The following MAST4 variants were observed in gnomAD, a reference collection of about 807,000 sequenced individuals.
MAST4 encodes microtubule associated serine/threonine kinase family member 4.
MAST4 carries 89 observed loss-of-function variants against 162.7 expected under a neutral mutation model. The ratio of observed to expected loss-of-function variants is 0.55; its 90% CI spans 0.46 to 0.65. The LOEUF (loss-of-function observed/expected upper bound fraction) is 0.65. Among genes scored for constraint, MAST4 ranks in the 30% least tolerant of loss-of-function variants. MAST4 has a pLI of 0.00. For missense variants in MAST4, 3,153 were observed against 3,374.0 expected (o/e 0.93, Z 1.62); for synonymous variants, 1,479 against 1,361.1 (o/e 1.09, Z -1.91).
intron 4 of MAST4, among the ~76,000 whole-genome samples, chr5:66,907,660 G>A (rs955217114): frequency 6.7e-6 from 1 of 148,850 alleles, no homozygotes; most frequent in South Asian, 2.2e-4. Flanking sequence ...GAAGACTTAG[G>A]TTCAGGCCTG....
intron 1 of MAST4, among the ~76,000 whole-genome samples, chr5:66,681,932 G>T (rs1748357122): frequency 1.3e-5 from 2 of 152,150 alleles, no homozygotes; most frequent in Admixed American, 1.3e-4. Context: ...TTGGGGGGTG[G>T]GTGACCATGC....
intron 16 of MAST4, among the ~76,000 whole-genome samples, chr5:67,132,711 C>A (rs1030647420): frequency 3.3e-5 from 5 of 151,918 alleles, no homozygotes; most frequent in Admixed American, 6.6e-5. Context: ...ATTTGAGAAG[C>A]CTCTAAAAGC....
intron 1 of MAST4, among the ~76,000 whole-genome samples, chr5:66,692,984 A>G (rs1265754488): frequency 7.5e-6 from 1 of 133,144 alleles, no homozygotes; most frequent in East Asian, 2.2e-4. Context: ...TAAAGTTTGT[A>G]TTTTTTTTTT....
chr5:66,686,814 A>AT (rs1748690867), intron 1 of MAST4, among the ~76,000 whole-genome samples: 1 of 152,224 alleles, frequency 6.6e-6, no homozygotes, highest in Non-Finnish European at 1.5e-5. Flanking sequence ...TACAGCTTAT[A>AT]CATCTTTGGT....
chr5:66,745,311 A>ACATCC (rs1300972014), intron 1 of MAST4, among the ~76,000 whole-genome samples: 3 of 152,164 alleles, frequency 2.0e-5, no homozygotes, highest in Non-Finnish European at 2.9e-5. Context: ...TGCTGCCTAA[A>ACATCC]GAAGGGTAGA....
At chr5:66,921,684 G>T (rs1764547365) in intron 4 of MAST4, among the ~76,000 whole-genome samples, 1 of 152,150 alleles carries the variant, frequency 6.6e-6, no homozygotes, top group African/African-American at 2.4e-5. Flanking sequence ...GCTTGAGCCT[G>T]GGAGGTGAAG....
chr5:67,066,807 A>C (rs556339475), intron 5 of MAST4, among the ~76,000 whole-genome samples: 23 of 152,156 alleles, frequency 1.5e-4, no homozygotes, highest in African/African-American at 5.5e-4. Context: ...TTATTTCCTT[A>C]CTTAGATTTT....
intron 4 of MAST4, among the ~76,000 whole-genome samples, chr5:67,049,535 A>G (rs1757909816): frequency 6.6e-6 from 1 of 152,182 alleles, no homozygotes; most frequent in African/African-American, 2.4e-5. Context: ...TAGTTAGCAG[A>G]TGTTCATGGA....
chr5:66,690,317 T>TAGA (rs1449743100), intron 1 of MAST4, among the ~76,000 whole-genome samples: 1 of 152,186 alleles, frequency 6.6e-6, no homozygotes, highest in Non-Finnish European at 1.5e-5. Flanking sequence ...ATTTAGTAAG[T>TAGA]ATTGTAGGAT....
At chr5:67,086,982 T>C (rs1045600962) in intron 5 of MAST4, among the ~76,000 whole-genome samples, 3 of 152,216 alleles carry the variant, frequency 2.0e-5, no homozygotes, top group Non-Finnish European at 4.4e-5. Flanking sequence ...AGAGACTGAG[T>C]AGGAGTCAAT....
intron 4 of MAST4, among the ~76,000 whole-genome samples, chr5:66,908,313 A>C (rs1024971355): frequency 3.5e-4 from 53 of 152,302 alleles, no homozygotes; most frequent in African/African-American, 1.3e-3. Context: ...TGAAAATTAT[A>C]TGAAGACCTT....
intron 4 of MAST4, among the ~76,000 whole-genome samples, chr5:66,919,575 C>T (rs1001883514): frequency 6.7e-6 from 1 of 149,830 alleles, no homozygotes; most frequent in South Asian, 2.1e-4. Context: ...GCAGGAGAAT[C>T]GCTTGAACCC....
chr5:66,868,803 CAAAAACCTAACCCTTA>C (rs577974587), intron 3 of MAST4, among the ~76,000 whole-genome samples: 7 of 152,222 alleles, frequency 4.6e-5, no homozygotes, highest in Admixed American at 3.3e-4. Context: ...CACCAGGTTT[CAAAAACCTAACCCTTA>C]AAGGATGTGC....
intron 1 of MAST4, among the ~76,000 whole-genome samples, chr5:66,633,352 C>CT (rs1472603288): frequency 6.6e-6 from 1 of 152,184 alleles, no homozygotes; most frequent in Non-Finnish European, 1.5e-5. Flanking sequence ...TGAATGTGTA[C>CT]TTGACTGGCA....
At chr5:66,649,069 C>T (rs983690579) in intron 1 of MAST4, among the ~76,000 whole-genome samples, 1 of 152,060 alleles carries the variant, frequency 6.6e-6, no homozygotes, top group Non-Finnish European at 1.5e-5. Flanking sequence ...TCTCCAAATG[C>T]CTGTGTTCTC....
At chr5:66,805,663 C>G (rs1200402767) in intron 3 of MAST4, among the ~76,000 whole-genome samples, 4 of 152,188 alleles carry the variant, frequency 2.6e-5, no homozygotes, top group Admixed American at 2.6e-4. Context: ...TGTTGAAAGG[C>G]CATCCCCGAG....
chr5:66,942,402 G>T (rs1743463275), intron 4 of MAST4, among the ~76,000 whole-genome samples: 1 of 152,194 alleles, frequency 6.6e-6, no homozygotes, highest in Non-Finnish European at 1.5e-5. Context: ...GACAAAAGCT[G>T]TTGGGGAATC....
At chr5:66,659,791 G>T (rs35942170) in intron 1 of MAST4, among the ~76,000 whole-genome samples, 10,753 of 152,256 alleles carry the variant, frequency 0.071, 442 homozygotes, top group Admixed American at 0.11. Flanking sequence ...GCTGTGTAGC[G>T]CATGTGCTAG....
chr5:66,914,683 C>T (rs1477380170), intron 4 of MAST4, among the ~76,000 whole-genome samples: 2 of 152,118 alleles, frequency 1.3e-5, no homozygotes, highest in Admixed American at 6.6e-5. Context: ...GAGTCTGATA[C>T]AACAATGAAG....
Sources: gnomAD v4.1 joint callset for allele counts (sites outside exome capture counted in the v4.1 genomes callset) on GRCh38, gnomAD v4.1.1 for gene constraint, MANE v1.5 for transcripts, NCBI Gene and HGNC (gene_info 2026-07-23, HGNC 2026-07-21) for gene names.